STAG2: variants seen among roughly 807,000 people sequenced by gnomAD.
STAG2 encodes the protein STAG2 cohesin complex component.
A neutral mutation model predicts 108.1 loss-of-function variants in STAG2; 14 were observed. That is an observed-to-expected ratio of 0.13 (90% confidence interval 0.09 to 0.20). STAG2 has a LOEUF of 0.20. Among genes scored for constraint, STAG2 ranks in the 10% least tolerant of loss-of-function variants. STAG2 has a pLI of 1.00. For synonymous variants in STAG2, 307 were observed against 302.7 expected (o/e 1.01, Z -0.15); for missense variants, 440 against 940.9 (o/e 0.47, Z 6.96).
Position 124,062,972 on chromosome X carries a change from C to G in STAG2, c.1709C>G (p.Ala570Gly), listed in dbSNP as rs777604512. 1 of 1,210,569 alleles carries G rather than the reference C, an allele frequency of 8.3e-7. No homozygotes were observed. The highest frequency in any genetic ancestry group is 1.1e-6 in the Non-Finnish European group (1 of 894,686). ...AAAATCACTGAGCTTTTTGCCGTGG[C>G]CCTTCCTCAGTTATTAGCAAAAGTA... ...RTKITELFAV[A>G]LPQLLAKYSV... Residue 570 changes from alanine to glycine, a missense_variant, in exon 18 of 35, where the codon GCC becomes GGC. Coordinates refer to ENST00000371145, the MANE Select transcript of STAG2 (RefSeq NM_001042750.2).
chrX:123,982,687 G>A (rs1014716070), intron 1 of STAG2, among the ~76,000 whole-genome samples: 2 of 109,781 alleles, frequency 1.8e-5, no homozygotes, highest in Non-Finnish European at 3.8e-5. Flanking sequence ...GCACCCTGCC[G>A]GAATTTACTT....
At chrX:124,031,281 C>T (rs2057323031) in intron 5 of STAG2, among the ~76,000 whole-genome samples, 156 bp downstream of exon 5, 1 of 112,109 alleles carries the variant, frequency 8.9e-6, no homozygotes, top group Admixed American at 9.5e-5. Context: ...GGATGTATTT[C>T]TTCATATATA....
At chrX:124,011,331 A>ACTT (rs1250202533) in intron 1 of STAG2, among the ~76,000 whole-genome samples, 1 of 111,388 alleles carries the variant, frequency 9.0e-6, no homozygotes, top group African/African-American at 3.3e-5. Flanking sequence ...AGATAATTTT[A>ACTT]CTTCTTTCTT....
At chrX:123,960,638 A>AG (rs2053805818), upstream of STAG2, 1 of 104,328 alleles carries the variant, frequency 9.6e-6, no homozygotes, top group African/African-American at 3.5e-5. Flanking sequence ...AAAAAAAAAA[A>AG]AAAAAGAAAA....
chrX:124,083,588 TG>T, intron 29 of STAG2, 39 bp downstream of exon 29: 1 of 1,098,235 alleles, frequency 9.1e-7, no homozygotes. Flanking sequence ...AATTTCATTT[TG>T]GGATTCTTAA....
chrX:123,993,731 G>T (rs1042072540), intron 1 of STAG2, among the ~76,000 whole-genome samples: 1 of 111,276 alleles, frequency 9.0e-6, no homozygotes, highest in South Asian at 3.8e-4. Flanking sequence ...CCTATATTAG[G>T]GGATTTATGA....
chrX:124,035,523 T>C (rs1376199112), intron 5 of STAG2, among the ~76,000 whole-genome samples: 1 of 112,084 alleles, frequency 8.9e-6, no homozygotes, highest in African/African-American at 3.2e-5. Context: ...CATTTTATTA[T>C]GCCTAATGAT....
intron 1 of STAG2, among the ~76,000 whole-genome samples, chrX:124,010,414 A>G (rs2056484719): frequency 8.9e-6 from 1 of 111,937 alleles, no homozygotes. Context: ...TTCAGTTAGC[A>G]TAATGCCCTT....
At chrX:124,091,396 C>T in intron 32 of STAG2, among the ~76,000 whole-genome samples, 1 of 111,816 alleles carries the variant, frequency 8.9e-6, no homozygotes, top group Non-Finnish European at 1.9e-5. Flanking sequence ...ATTCACACCA[C>T]CATCAAGAAT....
At chrX:123,984,827 C>T (rs959127893) in intron 1 of STAG2, among the ~76,000 whole-genome samples, 13 of 110,723 alleles carry the variant, frequency 1.2e-4, no homozygotes, top group African/African-American at 4.3e-4. Context: ...TTGGTAAAGG[C>T]AGGGCTTCAC....
chrX:124,025,084 A>G (rs1056270636), intron 3 of STAG2, among the ~76,000 whole-genome samples: 4 of 111,627 alleles, frequency 3.6e-5, no homozygotes, highest in African/African-American at 1.3e-4. Flanking sequence ...AACAAGGGAC[A>G]GTTGTTTAGG....
chrX:123,969,083 G>A (rs2054232810), intron 1 of STAG2, among the ~76,000 whole-genome samples: 1 of 112,107 alleles, frequency 8.9e-6, no homozygotes, highest in Non-Finnish European at 1.9e-5. Context: ...CATGTATAGT[G>A]CAAGGTAAAT....
At chrX:124,031,288 T>C (rs2057323157) in intron 5 of STAG2, among the ~76,000 whole-genome samples, 163 bp downstream of exon 5, 1 of 112,460 alleles carries the variant, frequency 8.9e-6, no homozygotes, top group Non-Finnish European at 1.9e-5. Context: ...TTTCTTCATA[T>C]ATAAGACTTT....
intron 34 of STAG2, 121 bp downstream of exon 34, chrX:124,095,570 A>T: frequency 1.9e-6 from 1 of 530,938 alleles, no homozygotes; most frequent in Non-Finnish European, 3.2e-6. Context: ...GGATGTGAGA[A>T]AAAGAGGCAG....
rs868837089 is a variant in STAG2, at chrX:124,076,440, C to T, written c.2642C>T (p.Thr881Ile). 2 of 1,191,948 alleles carry T rather than the reference C, an allele frequency of 1.7e-6. No homozygotes were observed. Among genetic ancestry groups the T allele is most frequent in the East Asian group, 3.0e-5 (1 of 33,201 alleles). Reference protein sequence around the residue: ...LIVYTVVEMNTAADIFKQYMK... With the variant: ...LIVYTVVEMNIAADIFKQYMK... The stretch of plus-strand genomic sequence containing the variant: ...GTATATACTGTGGTGGAGATGAATA[C>T]AGCTGCAGATATCTTCAAACAGTAT... Residue 881 changes from threonine (T) to isoleucine (I), a missense_variant, in exon 26 of 35, where the codon ACA (threonine) becomes ATA (isoleucine). Transcript: ENST00000371145.
intron 34 of STAG2, among the ~76,000 whole-genome samples, chrX:124,095,881 G>A (rs1461858185): frequency 1.8e-5 from 2 of 110,322 alleles, no homozygotes; most frequent in Admixed American, 1.9e-4. Flanking sequence ...CTTTGATAAT[G>A]AAGAGAAGGG....
chrX:124,056,125 T>A lies in STAG2; in HGVS notation c.1197-3T>A. 2 of 1,183,128 alleles carry A rather than the reference T, an allele frequency of 1.7e-6. No individual in the cohort carries two copies. On this transcript the variant is annotated splice_polypyrimidine_tract_variant and splice_region_variant and intron_variant, in intron 13 of 34. Coordinates refer to ENST00000371145, the MANE Select transcript of STAG2 (RefSeq NM_001042750.2). Reference sequence around the variant, plus strand: ...AAAGCACCTGTTACTGCTTATTTCTTAGGAGTAGTGAAGAAGTTCTCACTG... The same window carrying A: ...AAAGCACCTGTTACTGCTTATTTCTAAGGAGTAGTGAAGAAGTTCTCACTG...
At chrX:124,038,796 T>C (rs2057602519) in intron 6 of STAG2, among the ~76,000 whole-genome samples, 1 of 111,927 alleles carries the variant, frequency 8.9e-6, no homozygotes, top group Non-Finnish European at 1.9e-5. Context: ...CCTAGTTTAC[T>C]TCATTTGCCT....
At chrX:124,038,377 C>T (rs766555331) in intron 6 of STAG2, among the ~76,000 whole-genome samples, 2 of 108,232 alleles carry the variant, frequency 1.8e-5, no homozygotes, top group Non-Finnish European at 3.8e-5. Context: ...AGATGATGCC[C>T]GGGCAAATAC....
Sources: gnomAD v4.1 joint callset for allele counts (sites outside exome capture counted in the v4.1 genomes callset) on GRCh38, gnomAD v4.1.1 for gene constraint, MANE v1.5 for transcripts, NCBI Gene and HGNC (gene_info 2026-07-23, HGNC 2026-07-21) for gene names.